The following GRK4 variants were observed in gnomAD, a reference collection of about 807,000 sequenced individuals.
GRK4 encodes G protein-coupled receptor kinase 2-like.
A neutral mutation model predicts 77.9 loss-of-function variants in GRK4; 73 were observed. That is an observed-to-expected ratio of 0.94 (90% CI 0.78 to 1.14). The LOEUF is 1.14. Ranked by LOEUF, GRK4 falls within the 50% of genes most tolerant of loss-of-function variation. The pLI is 0.00. For missense variants in GRK4, 729 were observed against 700.2 expected, an observed-to-expected ratio of 1.04 and a Z score of -0.46; for synonymous variants, 257 against 254.4, an observed-to-expected ratio of 1.01 and a Z score of -0.10.
intron 1 of GRK4, among the ~76,000 whole-genome samples, chr4:2,982,984 G>A (rs974784389): frequency 1.3e-5 from 2 of 152,226 alleles, no homozygotes; most frequent in African/African-American, 4.8e-5. Context: ...TATGAGTCTA[G>A]GGTGAACATG....
chr4:3,036,338 C>T (rs567378513), intron 13 of GRK4, among the ~76,000 whole-genome samples: 97 of 152,232 alleles, frequency 6.4e-4, no homozygotes, highest in African/African-American at 1.9e-3. Flanking sequence ...GGACTGTCCC[C>T]GAGGGGCGGG....
intron 5 of GRK4, among the ~76,000 whole-genome samples, chr4:3,005,573 C>A (rs749709681): frequency 1.3e-5 from 2 of 151,782 alleles, no homozygotes; most frequent in Non-Finnish European, 2.9e-5. Context: ...GAGGCCGAGG[C>A]GGGCAGATCG....
Position 3,024,786 on chromosome 4 carries a change from C to T in GRK4, c.970+2335C>T, listed in dbSNP as rs545966329. 1.8e-4 allele frequency among the ~76,000 whole-genome samples: 28 copies of T among 152,000 alleles called. No individual in the cohort carries two copies. In the South Asian group the frequency reaches 5.6e-3, roughly 30 times the overall value. On this transcript the variant is annotated intron_variant, in intron 10 of 15. Coordinates refer to ENST00000398052, the MANE Select transcript of GRK4 (RefSeq NM_182982.3). ...GGCAGGAGAATCGCTTGAACCCGGG[C>T]GGCAGAGGTTGCAGTGAGCCGAGAT...
At chr4:2,965,534 C>T (rs772002772) in intron 1 of GRK4, 18 of 691,144 alleles carry the variant, frequency 2.6e-5, no homozygotes, top group Admixed American at 8.1e-5. Context: ...CCACAGCAGC[C>T]GGCGATGCAT....
intron 6 of GRK4, 35 bp from the exon 7 acceptor site, chr4:3,009,613 T>C (rs775860994): frequency 3.3e-6 from 5 of 1,524,962 alleles, no homozygotes; most frequent in Non-Finnish European, 9.1e-7. Context: ...AACAATGCAA[T>C]GTGAGACCTG....
chr4:2,984,683 T>C, intron 2 of GRK4, 75 bp downstream of exon 2: 2 of 669,692 alleles, frequency 3.0e-6, no homozygotes, highest in Non-Finnish European at 4.8e-6. Flanking sequence ...TATTCTTTCT[T>C]GAGTTCCATG....
intron 10 of GRK4, among the ~76,000 whole-genome samples, chr4:3,024,851 C>T (rs1290355432): frequency 1.3e-5 from 2 of 152,108 alleles, no homozygotes; most frequent in East Asian, 1.9e-4. Context: ...GAGTGAGACT[C>T]CGTCTCAAAA....
chr4:2,987,023 T>G, intron 2 of GRK4: 1 of 417,336 alleles, frequency 2.4e-6, no homozygotes, highest in Admixed American at 3.3e-5. Flanking sequence ...TTTTAATATA[T>G]TGAGTTGTGA....
At chr4:2,977,971 C>CT (rs1721708652) in intron 1 of GRK4, among the ~76,000 whole-genome samples, 1 of 152,190 alleles carries the variant, frequency 6.6e-6, no homozygotes, top group Non-Finnish European at 1.5e-5. Context: ...CAAATGTTTT[C>CT]CCCCATTCCA....
At chr4:3,005,111 G>A (rs1043300882) in intron 5 of GRK4, among the ~76,000 whole-genome samples, 3 of 151,766 alleles carry the variant, frequency 2.0e-5, no homozygotes, top group African/African-American at 4.8e-5. Flanking sequence ...CATTTCCAAG[G>A]AGAATTCCGA....
intron 9 of GRK4, among the ~76,000 whole-genome samples, chr4:3,021,362 C>T (rs578012313): frequency 6.6e-6 from 1 of 152,322 alleles, no homozygotes; most frequent in African/African-American, 2.4e-5. Flanking sequence ...ATGTGCCCCT[C>T]CCCCACATCC....
chr4:2,964,157 C>T lies in GRK4; in HGVS notation c.52+35C>T, dbSNP rs753292642. The T allele has an allele frequency of 1.1e-5, 17 of 1,523,134 alleles. No homozygotes were observed. The African/African-American group carries it at 1.5e-4, about 14-fold the overall frequency. The allele number at this position is 1,523,134 out of a possible 1,614,324, so 94.4% of individuals were successfully genotyped here. On this transcript the variant is annotated intron_variant, in intron 1 of 15. Coordinates refer to ENST00000398052, the MANE Select transcript of GRK4 (RefSeq NM_182982.3). ...CGGCAGGCGCCCCCGACCCCCCCCC[C>T]AGAGAACCCCGAATCCCGGGGAACC... is the stretch of plus-strand genomic sequence containing the variant.
intron 1 of GRK4, among the ~76,000 whole-genome samples, chr4:2,968,398 T>A (rs1388098330): frequency 6.6e-6 from 1 of 152,208 alleles, no homozygotes; most frequent in Non-Finnish European, 1.5e-5. Context: ...TAATGCTGTC[T>A]CTTGCTGAGG....
In GRK4 at chr4:2,998,835, A is replaced by AT. The variant is rs35998180; in HGVS notation, c.340-5385dup. The stretch of plus-strand genomic sequence containing the variant: ...AATCCCTATCACAAGTCTAACTACC[A>AT]TTTTTTTTTTTGCAGAAATTAACAA... On this transcript the variant is annotated intron_variant, in intron 4 of 15. Transcript: ENST00000398052. Among the ~76,000 whole-genome samples, 771 of 147,540 alleles carry AT rather than the reference A, an allele frequency of 5.2e-3. 2 individuals carry two copies. The highest frequency in any genetic ancestry group is 0.014 in the African/African-American group (555 of 40,420).
chr4:2,964,146 G>GCCCC (rs761762910), intron 1 of GRK4, 24 bp downstream of exon 1: 3 of 1,258,406 alleles, frequency 2.4e-6, no homozygotes, highest in Admixed American at 4.8e-5. Flanking sequence ...AGGCGCCCCC[G>GCCCC]ACCCCCCCCC....
At chr4:3,035,240 A>G (rs867245887) in intron 12 of GRK4, 146 bp from the exon 13 acceptor site, 17 of 818,432 alleles carry the variant, frequency 2.1e-5, no homozygotes, top group Non-Finnish European at 2.6e-5. Flanking sequence ...ACGAGACTCC[A>G]TCTCAAAAAA....
intron 7 of GRK4, among the ~76,000 whole-genome samples, chr4:3,011,658 C>T (rs967550856): frequency 1.3e-5 from 2 of 152,226 alleles, no homozygotes; most frequent in Non-Finnish European, 2.9e-5. Context: ...AGAAGGAGCC[C>T]TGCTTGCCCT....
chr4:2,972,720 T>C (rs1719945133), intron 1 of GRK4, among the ~76,000 whole-genome samples: 1 of 151,982 alleles, frequency 6.6e-6, no homozygotes, highest in African/African-American at 2.4e-5. Flanking sequence ...GCTGTGTGTG[T>C]GTGTTATTTA....
At chr4:2,981,946 T>G (rs1283859280) in intron 1 of GRK4, among the ~76,000 whole-genome samples, 3 of 152,238 alleles carry the variant, frequency 2.0e-5, no homozygotes, top group African/African-American at 7.2e-5. Context: ...AGGTGGCTGG[T>G]GTGTCAGCAC....
Sources: allele counts gnomAD v4.1 joint callset (sites outside exome capture counted in the v4.1 genomes callset), GRCh38; gene constraint gnomAD v4.1.1; transcripts MANE v1.5; gene names NCBI Gene and HGNC (gene_info 2026-07-23, HGNC 2026-07-21).